The following RANBP17 variants were observed in gnomAD, a reference collection of about 807,000 sequenced individuals.
The protein encoded by RANBP17 is RAN binding protein 17.
A neutral mutation model predicts 141.2 loss-of-function variants in RANBP17; 158 were observed. That is an observed-to-expected ratio of 1.12 (90% CI 0.98 to 1.28). The LOEUF (loss-of-function observed/expected upper bound fraction) is 1.28, where lower values mean the gene tolerates loss of function less well. Ranked by LOEUF, RANBP17 falls within the 50% of genes most tolerant of loss-of-function variation. RANBP17 has a pLI of 0.00. For synonymous variants in RANBP17, 430 were observed against 450.0 expected, an observed-to-expected ratio of 0.96 and a Z score of 0.56; for missense variants, 1,438 against 1,290.7, an observed-to-expected ratio of 1.11 and a Z score of -1.75.
intron 12 of RANBP17, among the ~76,000 whole-genome samples, chr5:170,942,773 A>G (rs1462796690): frequency 1.3e-5 from 2 of 152,186 alleles, no homozygotes; most frequent in Non-Finnish European, 2.9e-5. Context: ...ATATATATCA[A>G]TTATTACATT....
chr5:170,943,016 G>T (rs1237952051), intron 12 of RANBP17, among the ~76,000 whole-genome samples: 1 of 152,102 alleles, frequency 6.6e-6, no homozygotes, highest in Non-Finnish European at 1.5e-5. Context: ...ACATTTCAGA[G>T]TCTGTAATAT....
intron 5 of RANBP17, among the ~76,000 whole-genome samples, chr5:170,902,623 C>CT (rs1321620719): frequency 6.6e-6 from 1 of 152,172 alleles, no homozygotes. Flanking sequence ...AATTTTCAGC[C>CT]TTTTTGCACT....
At chr5:171,197,538 G>C (rs1207255239) in intron 18 of RANBP17, among the ~76,000 whole-genome samples, 1 of 152,216 alleles carries the variant, frequency 6.6e-6, no homozygotes, top group Non-Finnish European at 1.5e-5. Flanking sequence ...CACAGTCTCA[G>C]TGCCATAGAA....
At chr5:171,012,266 A>G (rs1780110746) in intron 14 of RANBP17, among the ~76,000 whole-genome samples, 1 of 152,030 alleles carries the variant, frequency 6.6e-6, no homozygotes, top group African/African-American at 2.4e-5. Flanking sequence ...CAGCAACCTT[A>G]AGTTCATATG....
intron 25 of RANBP17, among the ~76,000 whole-genome samples, chr5:171,287,138 G>A (rs961879660): frequency 6.6e-6 from 1 of 152,152 alleles, no homozygotes; most frequent in African/African-American, 2.4e-5. Context: ...ATCTAGCTTG[G>A]TCAGAAGTAC....
chr5:171,064,918 G>A (rs192960390), intron 14 of RANBP17, among the ~76,000 whole-genome samples: 24 of 151,800 alleles, frequency 1.6e-4, no homozygotes, highest in Middle Eastern at 6.8e-3. Flanking sequence ...ATTTATCTGC[G>A]ATATATGCTG....
rs1156778628 is a variant in RANBP17 at position 171,252,805 on chromosome 5, A to G, written c.2776+9985A>G. On this transcript the variant is annotated intron_variant, in intron 24 of 27. Transcript: ENST00000523189. The stretch of plus-strand genomic sequence containing the variant: ...GGGTGTGTGCAGCCTCATTGTCAGC[A>G]TTGGTCCCAGTCGAGGCCATTGTAT... 4 of 1,232,810 alleles carry G rather than the reference A, an allele frequency of 3.2e-6. No individual in the cohort carries two copies. The African/African-American group carries it at 4.5e-5, about 14-fold the overall frequency. 76.4% of individuals were successfully genotyped at this position (1,232,810 alleles called of 1,614,324 possible).
At chr5:170,947,802 A>G (rs561131315) in intron 12 of RANBP17, among the ~76,000 whole-genome samples, 1 of 152,194 alleles carries the variant, frequency 6.6e-6, no homozygotes, top group South Asian at 2.1e-4. Context: ...GTCTCAGGGT[A>G]TATGGTCTTC....
intron 14 of RANBP17, among the ~76,000 whole-genome samples, chr5:171,071,383 G>A (rs2127693265): frequency 6.6e-6 from 1 of 151,976 alleles, no homozygotes; most frequent in South Asian, 2.1e-4. Flanking sequence ...AAAGGCAAGT[G>A]AACTAGAAGA....
At chr5:171,189,619 C>T (rs1379835389) in intron 18 of RANBP17, among the ~76,000 whole-genome samples, 1 of 132,446 alleles carries the variant, frequency 7.6e-6, no homozygotes, top group Non-Finnish European at 1.6e-5. Flanking sequence ...ATTGGCCTCT[C>T]CCAAGACAAA....
Position 171,251,988 on chromosome 5 carries a change from T to G in RANBP17, c.2776+9168T>G, listed in dbSNP as rs533240507. The G allele has an allele frequency of 3.0e-5, 49 of 1,609,612 alleles. No individual in the cohort carries two copies. In the East Asian group the frequency reaches 1.1e-3, roughly 35 times the overall value. ...ATTCAGTTCTTCAAGCACTTTATTTTTGTCGTCCATTTCGGGAAACAGTTC... is the reference window on the plus strand; with the variant it reads ...ATTCAGTTCTTCAAGCACTTTATTTGTGTCGTCCATTTCGGGAAACAGTTC... On this transcript the variant is annotated intron_variant, in intron 24 of 27. Coordinates refer to ENST00000523189, the MANE Select transcript of RANBP17 (RefSeq NM_022897.5).
intron 14 of RANBP17, among the ~76,000 whole-genome samples, chr5:170,978,498 G>A (rs1234538158): frequency 6.6e-6 from 1 of 151,990 alleles, no homozygotes; most frequent in African/African-American, 2.4e-5. Flanking sequence ...CTCATACACT[G>A]TAATACTATA....
intron 14 of RANBP17, among the ~76,000 whole-genome samples, chr5:171,053,785 C>A (rs190301512): frequency 2.7e-5 from 4 of 149,616 alleles, no homozygotes; most frequent in Non-Finnish European, 5.9e-5. Flanking sequence ...AGTGGTCATC[C>A]TCTTGTTACT....
At position 171,272,528 on chromosome 5, in the gene RANBP17, T is replaced by A. The variant is rs2914343; in HGVS notation, c.2943+6681T>A. Among the ~76,000 whole-genome samples the A allele has an allele frequency of 7.6e-3, 1,116 of 146,862 alleles. 14 individuals carry two copies. The highest frequency in any genetic ancestry group is 0.029 in the African/African-American group (1,056 of 36,560). ...ATAGAAACTGAGGCACAAAAAAAAA[T>A]AGGAAACATTCCCAAGGTCACAAAG... On this transcript the variant is annotated intron_variant, in intron 25 of 27. Transcript: ENST00000523189.
intron 12 of RANBP17, among the ~76,000 whole-genome samples, chr5:170,925,760 T>G (rs1439778384): frequency 6.7e-6 from 1 of 149,124 alleles, no homozygotes; most frequent in Non-Finnish European, 1.5e-5. Context: ...TACATGATAT[T>G]GCATATTTCT....
intron 25 of RANBP17, among the ~76,000 whole-genome samples, chr5:171,282,779 T>C (rs1405559928): frequency 1.3e-5 from 2 of 152,070 alleles, no homozygotes; most frequent in Non-Finnish European, 2.9e-5. Flanking sequence ...CGCACCTGGC[T>C]GAAAGCTGCA....
At chr5:171,151,309 G>A (rs1295720454) in intron 14 of RANBP17, among the ~76,000 whole-genome samples, 1 of 151,896 alleles carries the variant, frequency 6.6e-6, no homozygotes, top group Non-Finnish European at 1.5e-5. Flanking sequence ...AGGCCTCTTT[G>A]GCCTAGGAAT....
intron 11 of RANBP17, among the ~76,000 whole-genome samples, chr5:170,923,739 A>G (rs887983594): frequency 6.6e-6 from 1 of 152,092 alleles, no homozygotes; most frequent in African/African-American, 2.4e-5. Flanking sequence ...TTGATATTTT[A>G]TGTTTCCTAC....
chr5:171,191,345 C>CTTTTT (rs1761618055), intron 18 of RANBP17, among the ~76,000 whole-genome samples: 1 of 151,788 alleles, frequency 6.6e-6, no homozygotes, highest in African/African-American at 2.4e-5. Flanking sequence ...CTTTTTGATC[C>CTTTTT]GCCTGCCCAC....
Sources: allele counts gnomAD v4.1 joint callset (sites outside exome capture counted in the v4.1 genomes callset), GRCh38; gene constraint gnomAD v4.1.1; transcripts MANE v1.5; gene names NCBI Gene and HGNC (gene_info 2026-07-23, HGNC 2026-07-21).